PRKAG2: variants seen among roughly 807,000 people sequenced by gnomAD.
The protein encoded by PRKAG2 is protein kinase AMP-activated non-catalytic subunit gamma 2.
Under a neutral mutation model 69.6 loss-of-function variants are expected in PRKAG2, and 26 were observed. The observed-to-expected ratio is 0.37, with a 90% confidence interval of 0.27 to 0.52. The LOEUF (loss-of-function observed/expected upper bound fraction) is 0.52. PRKAG2 is among the 20% of genes least tolerant of loss of function. PRKAG2 has a pLI of 0.90. For missense variants in PRKAG2, 557 were observed against 740.0 expected (o/e 0.75, Z 2.87); for synonymous variants, 293 against 285.0 (o/e 1.03, Z -0.28).
At chr7:151,681,146 G>A (rs1274906125) in intron 3 of PRKAG2, among the ~76,000 whole-genome samples, 2 of 152,204 alleles carry the variant, frequency 1.3e-5, no homozygotes, top group Non-Finnish European at 2.9e-5. Flanking sequence ...GTACTGGAAT[G>A]ATCCTAACCC....
At chr7:151,669,038 C>CA (rs1325951867) in intron 4 of PRKAG2, among the ~76,000 whole-genome samples, 10 of 152,240 alleles carry the variant, frequency 6.6e-5, no homozygotes, top group Non-Finnish European at 1.2e-4. Context: ...GTCTCCATCG[C>CA]AAGTGCTTGA....
At chr7:151,631,995 G>A (rs1376990865) in intron 5 of PRKAG2, 74 bp downstream of exon 5, 2 of 1,154,696 alleles carry the variant, frequency 1.7e-6, no homozygotes, top group Non-Finnish European at 1.1e-6. Flanking sequence ...GGGGCGCGGG[G>A]TCCCCGCGGG....
intron 3 of PRKAG2, among the ~76,000 whole-genome samples, chr7:151,702,869 T>G (rs1837952782): frequency 6.6e-6 from 1 of 152,184 alleles, no homozygotes; most frequent in South Asian, 2.1e-4. Flanking sequence ...AGTTCAGGAC[T>G]GTAGGTCTGG....
At chr7:151,564,287 T>A in intron 13 of PRKAG2, 63 bp from the exon 14 acceptor site, 1 of 1,572,154 alleles carries the variant, frequency 6.4e-7, no homozygotes, top group Middle Eastern at 1.8e-4. Flanking sequence ...TGACCAAAAT[T>A]AGTGAGCTTA....
chr7:151,708,377 AAC>A lies in PRKAG2; in HGVS notation c.467-32742_467-32741del, dbSNP rs559989488. On this transcript the variant is annotated intron_variant, in intron 3 of 15. Transcript: ENST00000287878. ...CAGTGGGGCACTGTGTGGCCCCTCA[AAC>A]CCCCATGCCAACCTGGCACCTGCCA... is the stretch of plus-strand genomic sequence containing the variant. Among the ~76,000 whole-genome samples, 354 of 152,352 alleles carry A rather than the reference AAC, an allele frequency of 2.3e-3. 3 individuals are homozygous for A. Among genetic ancestry groups the A allele is most frequent in the African/African-American group, 8.2e-3 (341 of 41,580 alleles).
intron 4 of PRKAG2, among the ~76,000 whole-genome samples, chr7:151,653,681 G>C (rs1266970750): frequency 6.6e-6 from 1 of 152,090 alleles, no homozygotes; most frequent in Non-Finnish European, 1.5e-5. Flanking sequence ...GTCTCTACTA[G>C]AAATACAAAA....
chr7:151,723,047 A>G (rs1177954247), intron 3 of PRKAG2, among the ~76,000 whole-genome samples: 4 of 152,082 alleles, frequency 2.6e-5, no homozygotes, highest in Non-Finnish European at 5.9e-5. Context: ...AGAACTGGAG[A>G]AATTCTATGC....
chr7:151,820,547 G>A (rs1256520974), intron 1 of PRKAG2, among the ~76,000 whole-genome samples: 2 of 73,804 alleles, frequency 2.7e-5, no homozygotes, highest in African/African-American at 5.3e-5. Context: ...TCGGAACACC[G>A]CTCCGTGGCC....
At chr7:151,859,550 T>C (rs1362137115) in intron 1 of PRKAG2, among the ~76,000 whole-genome samples, 3 of 152,206 alleles carry the variant, frequency 2.0e-5, no homozygotes, top group Non-Finnish European at 4.4e-5. Context: ...TAGGGAAGAC[T>C]TCCCAGGGGC....
chr7:151,821,446 C>A (rs1359277832), intron 1 of PRKAG2, among the ~76,000 whole-genome samples: 2 of 152,204 alleles, frequency 1.3e-5, no homozygotes, highest in Non-Finnish European at 2.9e-5. Context: ...TAGTCTCAGG[C>A]AGGTGCTCCG....
At chr7:151,855,586 ACCACC>A (rs2079751151) in intron 1 of PRKAG2, among the ~76,000 whole-genome samples, 43 of 119,100 alleles carry the variant, frequency 3.6e-4, no homozygotes, top group East Asian at 6.2e-4. Flanking sequence ...CTACACACAC[ACCACC>A]CTCCACACAC....
At chr7:151,759,574 G>A (rs1339700629) in intron 3 of PRKAG2, among the ~76,000 whole-genome samples, 1 of 152,142 alleles carries the variant, frequency 6.6e-6, no homozygotes, top group South Asian at 2.1e-4. Flanking sequence ...ATCCTTGTCC[G>A]CTCCTAACAC....
intron 1 of PRKAG2, among the ~76,000 whole-genome samples, chr7:151,873,720 C>T (rs1248281277): frequency 2.0e-5 from 3 of 152,190 alleles, no homozygotes; most frequent in Non-Finnish European, 4.4e-5. Context: ...GTCCGAGGAC[C>T]CCAACTATAA....
chr7:151,776,159 G>T (rs2076335439), intron 3 of PRKAG2, among the ~76,000 whole-genome samples: 1 of 152,172 alleles, frequency 6.6e-6, no homozygotes, highest in Non-Finnish European at 1.5e-5. Context: ...ATTCTCAAGG[G>T]CACCAACATG....
At position 151,595,424 on chromosome 7, in the gene PRKAG2, ATGTAAACACCACT is replaced by A; in HGVS notation, c.772_784del (p.Ser258CysfsTer4). ...ACACTTGTGTGACCTCATGAATCGC[ATGTAAACACCACT>A]TTCTGAGTCTTCTACTGCTAAAAGA... is the stretch of plus-strand genomic sequence containing the variant. On this transcript the variant is annotated frameshift_variant, in exon 6 of 16. Coordinates refer to ENST00000287878, the MANE Select transcript of PRKAG2 (RefSeq NM_016203.4). LOFTEE classifies it high-confidence loss of function. The A allele has an allele frequency of 6.2e-7, 1 of 1,614,050 alleles. No individual in the cohort carries two copies. Among genetic ancestry groups the A allele is most frequent in the Non-Finnish European group, 8.5e-7 (1 of 1,179,954 alleles).
At position 151,560,508 on chromosome 7, in the gene PRKAG2, G is replaced by A. The variant is rs761012285; in HGVS notation, c.1678+16C>T. The A allele has an allele frequency of 1.1e-5, 17 of 1,614,114 alleles. No homozygotes were observed. The East Asian group carries it at 3.8e-4, about 36-fold the overall frequency. On this transcript the variant is annotated intron_variant, in intron 15 of 15. Coordinates refer to ENST00000287878, the MANE Select transcript of PRKAG2 (RefSeq NM_016203.4). The stretch of plus-strand genomic sequence containing the variant: ...TCCTAGACGCCGATGGCAAAGGTCA[G>A]AAACCAGCATTTTACCTGCTGGTGT...
intron 1 of PRKAG2, among the ~76,000 whole-genome samples, chr7:151,870,328 A>G (rs563117712): frequency 5.3e-5 from 8 of 152,204 alleles, no homozygotes; most frequent in African/African-American, 1.9e-4. Flanking sequence ...GAAAAATGCA[A>G]ACTCATGGGT....
At position 151,725,813 on chromosome 7, in the gene PRKAG2, G is replaced by A. The variant is rs541882780; in HGVS notation, c.467-50176C>T. ...CCTGCCTGTGCCCTTTCTGCCACTG[G>A]TGGGAGAAGAAAGAGGCCGAGAGGA... On this transcript the variant is annotated intron_variant, in intron 3 of 15. Coordinates refer to ENST00000287878, the MANE Select transcript of PRKAG2 (RefSeq NM_016203.4). Among the ~76,000 whole-genome samples the A allele has an allele frequency of 2.4e-3, 357 of 149,342 alleles. 1 individual carries two copies. Among genetic ancestry groups the A allele is most frequent in the African/African-American group, 8.5e-3 (328 of 38,742 alleles).
At position 151,694,435 on chromosome 7, in the gene PRKAG2, T is replaced by C. The variant is rs567800056; in HGVS notation, c.467-18798A>G. Among the ~76,000 whole-genome samples the C allele has an allele frequency of 5.9e-5, 9 of 152,250 alleles. No individual in the cohort carries two copies. In the East Asian group the frequency reaches 1.2e-3, roughly 20 times the overall value. ...ATAGTACAACACTGAAACTCTGTCC[T>C]CATAAAAATAACTCATTTCTCCCCA... On this transcript the variant is annotated intron_variant, in intron 3 of 15. Transcript: ENST00000287878.
Sources: gnomAD v4.1 joint callset for allele counts (sites outside exome capture counted in the v4.1 genomes callset) on GRCh38, gnomAD v4.1.1 for gene constraint, MANE v1.5 for transcripts, NCBI Gene and HGNC (gene_info 2026-07-23, HGNC 2026-07-21) for gene names.